Variants in GJC1 observed in about 807,000 individuals in gnomAD.
The protein encoded by GJC1 is gap junction protein gamma 1.
GJC1 carries 5 observed loss-of-function variants against 29.3 expected under a neutral mutation model. The ratio of observed to expected loss-of-function variants is 0.17; its 90% confidence interval spans 0.09 to 0.36. The LOEUF (loss-of-function observed/expected upper bound fraction) is 0.36, where lower values mean the gene tolerates loss of function less well. GJC1 is among the 10% of genes least tolerant of loss of function. The pLI is 1.00. For missense variants in GJC1, 310 were observed against 496.2 expected, an observed-to-expected ratio of 0.62 and a Z score of 3.56; for synonymous variants, 177 against 183.3, an observed-to-expected ratio of 0.97 and a Z score of 0.28.
intron 1 of GJC1, 24 bp from the exon 2 acceptor site, chr17:44,807,493 AG>A (rs1026157703): frequency 2.0e-5 from 3 of 152,226 alleles, no homozygotes; most frequent in African/African-American, 7.2e-5. Flanking sequence ...AGAAAAGAGC[AG>A]GTCATAAGCT....
At chr17:44,826,172 T>C (rs372253819) in intron 1 of GJC1, among the ~76,000 whole-genome samples, 2 of 152,312 alleles carry the variant, frequency 1.3e-5, no homozygotes, top group African/African-American at 4.8e-5. Flanking sequence ...TCCACCCGCC[T>C]TGGCCTCCCA....
intron 1 of GJC1, among the ~76,000 whole-genome samples, chr17:44,826,462 G>A (rs2050178395): frequency 6.6e-6 from 1 of 151,952 alleles, no homozygotes; most frequent in East Asian, 1.9e-4. Context: ...CTCGGGAGGT[G>A]GAGCTTGTGG....
intron 1 of GJC1, among the ~76,000 whole-genome samples, chr17:44,812,202 T>C (rs1315039108): frequency 6.7e-6 from 1 of 149,800 alleles, no homozygotes; most frequent in East Asian, 2.0e-4. Context: ...TAGTCCCAGC[T>C]ACTCAGGACT....
chr17:44,818,854 T>C (rs182471874), intron 1 of GJC1, among the ~76,000 whole-genome samples: 2 of 152,116 alleles, frequency 1.3e-5, no homozygotes. Flanking sequence ...ACTCCTGTAA[T>C]ACCAGCACTT....
chr17:44,809,866 C>CA, intron 1 of GJC1, among the ~76,000 whole-genome samples: 1 of 124,980 alleles, frequency 8.0e-6, no homozygotes, highest in East Asian at 2.4e-4. Flanking sequence ...CACGCCCAGC[C>CA]TTTTTTTTTT....
At position 44,805,935 on chromosome 17, in the gene GJC1, C is replaced by T. The variant is rs1447259051; in HGVS notation, c.-20-98G>A. On this transcript the variant is annotated intron_variant, in intron 2 of 2. Coordinates refer to ENST00000592524, the MANE Select transcript of GJC1 (RefSeq NM_005497.4). This position sits in a 1 kb window ranked among gnomAD's most constrained non-coding sequence, Gnocchi z 5.1. ...TCTCTAGGAACTACTGCTTTGAATACTTGAAATCTAACCTCAAGGTTCACA... is the reference window on the plus strand; with the variant it reads ...TCTCTAGGAACTACTGCTTTGAATATTTGAAATCTAACCTCAAGGTTCACA... 11 of 636,330 alleles carry T rather than the reference C, an allele frequency of 1.7e-5. No individual in the cohort carries two copies. The highest frequency in any genetic ancestry group is 1.3e-5 in the Non-Finnish European group (5 of 371,810). The allele number at this position is 636,330 out of a possible 1,614,324, so 39.4% of individuals were successfully genotyped here. A position where few individuals can be genotyped will look rare whatever the true frequency, so the allele number is the denominator to read the frequency against.
intron 1 of GJC1, among the ~76,000 whole-genome samples, chr17:44,819,620 T>C (rs1269141848): frequency 6.6e-6 from 1 of 151,462 alleles, no homozygotes; most frequent in African/African-American, 2.4e-5. Context: ...ATCACGCCAC[T>C]GCACTCCAGC....
At chr17:44,826,872 G>A (rs2050182097) in intron 1 of GJC1, among the ~76,000 whole-genome samples, 1 of 152,128 alleles carries the variant, frequency 6.6e-6, no homozygotes, top group Non-Finnish European at 1.5e-5. Flanking sequence ...GAACTCATCA[G>A]CTGTAGCAGT....
intron 1 of GJC1, among the ~76,000 whole-genome samples, chr17:44,828,450 GT>G (rs1173658737): frequency 6.6e-6 from 1 of 152,188 alleles, no homozygotes; most frequent in Non-Finnish European, 1.5e-5. Flanking sequence ...AACAGTTTAA[GT>G]AGTAAATAAT....
intron 1 of GJC1, among the ~76,000 whole-genome samples, chr17:44,815,862 C>T (rs1675735693): frequency 6.6e-6 from 1 of 151,600 alleles, no homozygotes; most frequent in Non-Finnish European, 1.5e-5. Flanking sequence ...GACTGTAATC[C>T]CAGCATTTTG....
downstream of GJC1, among the ~76,000 whole-genome samples, chr17:44,796,981 G>A (rs2049787559): frequency 6.6e-6 from 1 of 152,050 alleles, no homozygotes; most frequent in Admixed American, 6.5e-5. Flanking sequence ...CAAGGAGCTC[G>A]GACTACAGGT....
At chr17:44,813,484 C>CTTTTTTTT (rs35299072) in intron 1 of GJC1, among the ~76,000 whole-genome samples, 3 of 80,504 alleles carry the variant, frequency 3.7e-5, no homozygotes, top group Admixed American at 3.4e-4. Flanking sequence ...TTCCAAGTTA[C>CTTTTTTTT]TTTTTTTTTT....
intron 1 of GJC1, among the ~76,000 whole-genome samples, chr17:44,824,458 C>A (rs1471815663): frequency 6.6e-6 from 1 of 151,990 alleles, no homozygotes; most frequent in Admixed American, 6.6e-5. Context: ...GCCACCACAT[C>A]CAGCTAATTT....
chr17:44,826,348 C>T (rs1461704353), intron 1 of GJC1, among the ~76,000 whole-genome samples: 2 of 151,944 alleles, frequency 1.3e-5, no homozygotes, highest in African/African-American at 2.4e-5. Context: ...CTGGTTAACA[C>T]GATGAAACAG....
rs1440116493 is a variant in GJC1, at chr17:44,805,742, T to C, written c.76A>G (p.Thr26Ala). ...ACGATCCGGAAGACAATCAGAACAGTGAGCCAGATCTTCCCCACAAATGTG... is the reference window on the plus strand; with the variant it reads ...ACGATCCGGAAGACAATCAGAACAGCGAGCCAGATCTTCCCCACAAATGTG... ...HSTFVGKIWL[T>A]VLIVFRIVLT... The change falls in exon 3 of 3, where the codon ACT becomes GCT. Residue 26 changes from threonine (T) to alanine (A), a missense_variant. By Grantham distance (58) the Thr-to-Ala change is moderately conservative. Around this residue, in one of 4 missense-constraint regions of GJC1, gnomAD observed 37 missense variants for 104.2 expected, o/e 0.35. Coordinates refer to ENST00000592524, the MANE Select transcript of GJC1 (RefSeq NM_005497.4). The surrounding 1 kb of genome is among the most constrained non-coding windows in gnomAD (Gnocchi z 5.1). 3 of 1,614,196 alleles carry C rather than the reference T, an allele frequency of 1.9e-6. No homozygotes were observed. The highest frequency in any genetic ancestry group is 2.5e-6 in the Non-Finnish European group (3 of 1,180,014).
chr17:44,831,012 T>A (rs2050226392), upstream of GJC1, among the ~76,000 whole-genome samples: 1 of 152,112 alleles, frequency 6.6e-6, no homozygotes, highest in Admixed American at 6.5e-5. Flanking sequence ...AGACTTTGGG[T>A]AATAAAGGAA....
intron 1 of GJC1, among the ~76,000 whole-genome samples, chr17:44,817,736 T>G (rs925214981): frequency 6.6e-6 from 1 of 150,706 alleles, no homozygotes; most frequent in Non-Finnish European, 1.5e-5. Flanking sequence ...CCAAAAAACT[T>G]TATTATTTGC....
At chr17:44,816,337 G>A (rs1440873376) in intron 1 of GJC1, among the ~76,000 whole-genome samples, 1 of 151,798 alleles carries the variant, frequency 6.6e-6, no homozygotes, top group Non-Finnish European at 1.5e-5. Flanking sequence ...AATCTACCTT[G>A]TCTTACACTA....
At chr17:44,798,141 C>T (rs897579481), downstream of GJC1, among the ~76,000 whole-genome samples, 16 of 152,124 alleles carry the variant, frequency 1.1e-4, no homozygotes, top group Admixed American at 7.9e-4. Flanking sequence ...CCCCAGATTG[C>T]GACGCCACGA....
Sources: gnomAD v4.1 joint callset for allele counts (sites outside exome capture counted in the v4.1 genomes callset) on GRCh38, gnomAD v4.1.1 for gene constraint, gnomAD v4.1.1 regional missense constraint, Gnocchi (gnomAD v3.1) non-coding constraint, MANE v1.5 for transcripts, NCBI Gene and HGNC (gene_info 2026-07-23, HGNC 2026-07-21) for gene names.